The following PKIB variants were observed in gnomAD, a reference collection of about 807,000 sequenced individuals.
The protein encoded by PKIB is PKI-beta.
PKIB carries 2 observed loss-of-function variants against 4.5 expected under a neutral mutation model. The ratio of observed to expected loss-of-function variants is 0.44; its 90% CI spans 0.18 to 1.39. The LOEUF (loss-of-function observed/expected upper bound fraction) is 1.39. Among genes scored for constraint, PKIB ranks in the 40% most tolerant of loss-of-function variants. The pLI is 0.27. For synonymous variants in PKIB, 38 were observed against 36.0 expected (o/e 1.06, Z -0.20); for missense variants, 94 against 92.6 (o/e 1.02, Z -0.06).
rs555177114 is a variant in PKIB at position 122,580,291 on chromosome 6, CAAAT to C, written c.-247-5626_-247-5623del. ...ATCTTAAATTATAAATTACAGAAAACAAATAAAGCTCTAGAAATTGGAACTTGGT... is the reference window on the plus strand; with the variant it reads ...ATCTTAAATTATAAATTACAGAAAACAAAGCTCTAGAAATTGGAACTTGGT... On this transcript the variant is annotated intron_variant, in intron 2 of 6. Coordinates refer to the PKIB transcript ENST00000392491. 2.6e-3 allele frequency among the ~76,000 whole-genome samples: 401 copies of C among 152,082 alleles called. 4 individuals carry two copies. Among genetic ancestry groups the C allele is most frequent in the African/African-American group, 9.0e-3 (373 of 41,504 alleles).
intron 2 of PKIB, among the ~76,000 whole-genome samples, chr6:122,578,376 G>A (rs373850978): frequency 1.3e-4 from 19 of 151,828 alleles, no homozygotes; most frequent in African/African-American, 2.7e-4. Context: ...TTTCCTTTTC[G>A]GTATCTTTCA....
intron 2 of PKIB, among the ~76,000 whole-genome samples, chr6:122,545,826 C>T (rs1772475614): frequency 2.0e-5 from 3 of 150,726 alleles, no homozygotes; most frequent in Admixed American, 2.0e-4. Flanking sequence ...TAAATAAAGG[C>T]TTTCCATCAT....
chr6:122,527,505 G>A (rs989732676), intron 2 of PKIB, among the ~76,000 whole-genome samples: 8 of 152,084 alleles, frequency 5.3e-5, no homozygotes, highest in African/African-American at 9.6e-5. Context: ...ACCTAATTTC[G>A]TTATTTTTGT....
intron 3 of PKIB, among the ~76,000 whole-genome samples, chr6:122,685,453 A>C (rs999869861): frequency 1.3e-5 from 2 of 152,112 alleles, no homozygotes; most frequent in Non-Finnish European, 2.9e-5. Flanking sequence ...AAAAAGAAAT[A>C]CTCAAGGAAA....
intron 1 of PKIB, among the ~76,000 whole-genome samples, chr6:122,625,673 C>CT (rs34144053): frequency 2.0e-5 from 3 of 151,316 alleles, no homozygotes; most frequent in Non-Finnish European, 2.9e-5. Context: ...AATTAATTAA[C>CT]TTTTTTTAAA....
At chr6:122,673,017 A>G (rs972876676) in intron 2 of PKIB, among the ~76,000 whole-genome samples, 1 of 152,110 alleles carries the variant, frequency 6.6e-6, no homozygotes, top group Non-Finnish European at 1.5e-5. Flanking sequence ...CATTAGTAAT[A>G]AAAAACATGG....
intron 3 of PKIB, among the ~76,000 whole-genome samples, chr6:122,714,223 G>T (rs912690427): frequency 6.6e-6 from 1 of 152,166 alleles, no homozygotes. Context: ...GCTGGGCGGG[G>T]TTAGCTATTC....
intron 2 of PKIB, among the ~76,000 whole-genome samples, chr6:122,663,105 T>G (rs973350141): frequency 5.3e-5 from 8 of 152,202 alleles, no homozygotes; most frequent in Non-Finnish European, 7.3e-5. Context: ...GTAATTGTGG[T>G]GATAGCTTGA....
rs1251718930 is a variant in PKIB at position 122,725,887 on chromosome 6, C to G, written c.*692C>G. ...CCTATTAAATGAATTTTACTATCTT[C>G]CCTAACTTTGGTCTGTGTATGTGTG... On this transcript the variant is annotated 3_prime_UTR_variant, in exon 5 of 5. Transcript: ENST00000368452. The G allele has an allele frequency of 6.6e-6, 1 of 151,990 alleles. No individual in the cohort carries two copies. The highest frequency in any genetic ancestry group is 1.5e-5 in the Non-Finnish European group (1 of 68,020). The allele number at this position is 151,990 out of a possible 1,614,324, so 9.4% of individuals were successfully genotyped here. A position where few individuals can be genotyped will look rare whatever the true frequency, so the allele number is the denominator to read the frequency against.
At chr6:122,588,729 T>G (rs916351862) in intron 3 of PKIB, among the ~76,000 whole-genome samples, 2 of 152,226 alleles carry the variant, frequency 1.3e-5, no homozygotes, top group Non-Finnish European at 1.5e-5. Context: ...TTGTAGACTC[T>G]TATATATGCC....
chr6:122,582,005 A>G (rs1773718074), intron 2 of PKIB, among the ~76,000 whole-genome samples: 1 of 152,038 alleles, frequency 6.6e-6, no homozygotes, highest in Non-Finnish European at 1.5e-5. Flanking sequence ...TTCTCTTACA[A>G]ATTTATACTG....
Position 122,717,849 on chromosome 6 carries a change from G to T in PKIB, c.55G>T (p.Ala19Ser). 6.2e-7 allele frequency: 1 copy of T among 1,613,994 alleles called. No homozygotes were observed. Among genetic ancestry groups the T allele is most frequent in the Non-Finnish European group, 8.5e-7 (1 of 1,179,974 alleles). The change falls in exon 4 of 5, where the codon GCA (alanine) becomes TCA (serine). Residue 19 changes from alanine (A) to serine (S), a missense_variant. By Grantham distance (99) the Ala-to-Ser change is moderately conservative. Coordinates refer to ENST00000368452, the MANE Select transcript of PKIB (RefSeq NM_181795.3). ...CGTGGAGTCTGGGGTCGCCAATTTT[G>T]CATCTTCAGCAAGGGCAGGCCGCCG... ...TDVESGVANF[A>S]SSARAGRRNA...
At chr6:122,593,742 A>G (rs1774084561) in intron 3 of PKIB, among the ~76,000 whole-genome samples, 1 of 152,234 alleles carries the variant, frequency 6.6e-6, no homozygotes, top group South Asian at 2.1e-4. Context: ...ACAATTTTAT[A>G]TGAAAATTTA....
chr6:122,704,991 G>A (rs1371343045), intron 3 of PKIB, among the ~76,000 whole-genome samples: 2 of 152,124 alleles, frequency 1.3e-5, no homozygotes, highest in African/African-American at 4.8e-5. Context: ...AAACAATTGA[G>A]GCTGCAGTGA....
rs1014542310 is a variant in PKIB at position 122,715,668 on chromosome 6, T to A, written c.-8-2119T>A. 2.7e-5 allele frequency among the ~76,000 whole-genome samples: 4 copies of A among 149,888 alleles called. No homozygotes were observed. The East Asian group carries it at 5.9e-4, about 22-fold the overall frequency. On this transcript the variant is annotated intron_variant, in intron 3 of 4. Coordinates refer to ENST00000368452, the MANE Select transcript of PKIB (RefSeq NM_181795.3). ...TTTTATGTATATATATATATATACA[T>A]ACACATATATATGAACTTTAACAAA...
At chr6:122,491,093 A>G (rs922592059) in intron 2 of PKIB, among the ~76,000 whole-genome samples, 5 of 152,192 alleles carry the variant, frequency 3.3e-5, no homozygotes, top group African/African-American at 1.2e-4. Context: ...AGCGGGAAGA[A>G]AAGTACACTA....
intron 2 of PKIB, among the ~76,000 whole-genome samples, chr6:122,518,214 A>G (rs1776822299): frequency 6.6e-6 from 1 of 152,144 alleles, no homozygotes; most frequent in South Asian, 2.1e-4. Flanking sequence ...TAAAAATGTA[A>G]AAGTTACTCT....
chr6:122,563,837 G>C (rs904187178), intron 2 of PKIB, among the ~76,000 whole-genome samples: 6 of 152,132 alleles, frequency 3.9e-5, no homozygotes, highest in South Asian at 4.1e-4. Flanking sequence ...CCCCAAGTCT[G>C]TTTCCAGGCA....
chr6:122,700,880 A>T (rs1356245983), intron 3 of PKIB, among the ~76,000 whole-genome samples: 2 of 152,172 alleles, frequency 1.3e-5, no homozygotes. Context: ...GTCCATATCC[A>T]GTAAAGTCAT....
Sources: gnomAD v4.1 joint callset for allele counts (sites outside exome capture counted in the v4.1 genomes callset) on GRCh38, gnomAD v4.1.1 for gene constraint, MANE v1.5 for transcripts, NCBI Gene and HGNC (gene_info 2026-07-23, HGNC 2026-07-21) for gene names.